The following GINS1 variants were observed in gnomAD, a reference collection of about 807,000 sequenced individuals.
GINS1 encodes DNA replication complex GINS protein PSF1.
GINS1 carries 26 observed loss-of-function variants against 34.9 expected under a neutral mutation model. That is an observed-to-expected ratio of 0.74 (90% CI 0.55 to 1.03). GINS1 has a LOEUF of 1.03. GINS1 is among the 50% of genes least tolerant of loss of function. The pLI is 0.00. For synonymous variants in GINS1, 97 were observed against 84.4 expected, an observed-to-expected ratio of 1.15 and a Z score of -0.82; for missense variants, 235 against 237.9, an observed-to-expected ratio of 0.99 and a Z score of 0.08.
At chr20:25,430,391 C>T (rs1056431750) in intron 5 of GINS1, among the ~76,000 whole-genome samples, 3 of 152,064 alleles carry the variant, frequency 2.0e-5, no homozygotes, top group Admixed American at 6.6e-5. Context: ...TTTTTCCCTT[C>T]GTTCTGTTAA....
chr20:25,418,633 T>C (rs1005068228), intron 4 of GINS1, among the ~76,000 whole-genome samples: 2 of 152,204 alleles, frequency 1.3e-5, no homozygotes, highest in Non-Finnish European at 2.9e-5. Flanking sequence ...ATTGAGCAAG[T>C]CACTTGACCT....
intron 5 of GINS1, among the ~76,000 whole-genome samples, chr20:25,434,710 G>A (rs746909388): frequency 6.6e-6 from 1 of 152,190 alleles, no homozygotes; most frequent in African/African-American, 2.4e-5. Context: ...GCCTCTCAGT[G>A]TTGGGATTAT....
rs113033087 is a variant in GINS1, at chr20:25,446,324, T to C, written c.*333T>C. The C allele has an allele frequency of 8.9e-4, 204 of 229,166 alleles. 1 individual carries two copies. Among genetic ancestry groups the C allele is most frequent in the African/African-American group, 4.3e-3 (190 of 44,152 alleles). 14.2% of individuals were successfully genotyped at this position (229,166 alleles called of 1,614,324 possible). A position where few individuals can be genotyped will look rare whatever the true frequency, so the allele number is the denominator to read the frequency against. On this transcript the variant is annotated 3_prime_UTR_variant, in exon 7 of 7. Transcript: ENST00000262460. Reference sequence around the variant, plus strand: ...TGTTGAGATCACAGGCGTGAGCCACTGCACCCGGCCCCTACTCCTTTTTCT... The same window carrying C: ...TGTTGAGATCACAGGCGTGAGCCACCGCACCCGGCCCCTACTCCTTTTTCT...
chr20:25,431,115 A>G (rs6050609), intron 5 of GINS1, among the ~76,000 whole-genome samples: 82,158 of 151,992 alleles, frequency 0.54, 22,783 homozygotes, highest in Admixed American at 0.61. Context: ...CCAATTTACT[A>G]GTTCTTAATC....
intron 1 of GINS1, among the ~76,000 whole-genome samples, chr20:25,408,299 C>G (rs935447296): frequency 2.0e-5 from 3 of 152,142 alleles, no homozygotes; most frequent in Admixed American, 2.0e-4. Context: ...TTTCTGTGCT[C>G]TCAGTTTTCT....
chr20:25,416,487 A>G (rs189512762), intron 2 of GINS1, among the ~76,000 whole-genome samples: 1 of 152,312 alleles, frequency 6.6e-6, no homozygotes, highest in African/African-American at 2.4e-5. Context: ...TTTTATATGC[A>G]TATGGTTGCT....
At chr20:25,428,505 G>A (rs958121819) in intron 5 of GINS1, among the ~76,000 whole-genome samples, 85 of 142,124 alleles carry the variant, frequency 6.0e-4, no homozygotes, top group African/African-American at 1.8e-3. Context: ...CTGGGTTCAC[G>A]CCATTCTCCT....
chr20:25,412,604 T>G (rs1051887404), intron 1 of GINS1, among the ~76,000 whole-genome samples: 1 of 152,218 alleles, frequency 6.6e-6, no homozygotes, highest in African/African-American at 2.4e-5. Flanking sequence ...CATATTTTTC[T>G]TTATACCTCA....
In GINS1 at chr20:25,446,149, A is replaced by T; in HGVS notation, c.*158A>T. ...GGCTAAGAAGTATAATTTGCTAACTATTAAGGACTTTCTTTTTTTAATGTT... is the reference window on the plus strand; with the variant it reads ...GGCTAAGAAGTATAATTTGCTAACTTTTAAGGACTTTCTTTTTTTAATGTT... On this transcript the variant is annotated 3_prime_UTR_variant, in exon 7 of 7. Transcript: ENST00000262460. 1 of 487,232 alleles carries T rather than the reference A, an allele frequency of 2.1e-6. No homozygotes were observed. The highest frequency in any genetic ancestry group is 3.6e-6 in the Non-Finnish European group (1 of 274,424). The allele number at this position is 487,232 out of a possible 1,614,324, so 30.2% of individuals were successfully genotyped here. A position where few individuals can be genotyped will look rare whatever the true frequency, so the allele number is the denominator to read the frequency against.
intron 6 of GINS1, among the ~76,000 whole-genome samples, chr20:25,441,981 G>A (rs1399426517): frequency 3.3e-5 from 5 of 152,136 alleles, no homozygotes; most frequent in African/African-American, 1.2e-4. Context: ...CATTAATTTA[G>A]TAGGATATTG....
intron 2 of GINS1, 21 bp downstream of exon 2, chr20:25,413,875 T>G: frequency 7.4e-7 from 1 of 1,353,056 alleles, no homozygotes; most frequent in Non-Finnish European, 1.1e-6. Context: ...TAAGATGATA[T>G]TCTAAAACAA....
At chr20:25,421,268 G>T (rs1332779270) in intron 4 of GINS1, among the ~76,000 whole-genome samples, 1 of 152,136 alleles carries the variant, frequency 6.6e-6, no homozygotes, top group East Asian at 1.9e-4. Flanking sequence ...CAAATTCCTG[G>T]TATATAGTAA....
chr20:25,443,465 T>TG lies in GINS1; in HGVS notation c.522+1691dup, dbSNP rs528083483. ...TCCCTTCATCCCAAATGCTGTCCTG[T>TG]GGTTGAATTTCTTTTTTTTTTTTTT... On this transcript the variant is annotated intron_variant, in intron 6 of 6. Coordinates refer to ENST00000262460, the MANE Select transcript of GINS1 (RefSeq NM_021067.5). 2.3e-3 allele frequency among the ~76,000 whole-genome samples: 336 copies of TG among 147,266 alleles called. 1 individual carries two copies. The highest frequency in any genetic ancestry group is 8.2e-3 in the African/African-American group (329 of 40,142).
Position 25,413,862 on chromosome 20 carries a change from T to G in GINS1, c.140+8T>G, listed in dbSNP as rs750608093. On this transcript the variant is annotated splice_region_variant and intron_variant, in intron 2 of 6. Coordinates refer to ENST00000262460, the MANE Select transcript of GINS1 (RefSeq NM_021067.5). ...ACAAAACCAGTCTGATGTGTAAGTT[T>G]CATAAGATGATATTCTAAAACAATT... 4.8e-6 allele frequency: 7 copies of G among 1,469,992 alleles called. No individual in the cohort carries two copies. The Admixed American group carries it at 1.2e-4, about 25-fold the overall frequency. 91.1% of individuals were successfully genotyped at this position (1,469,992 alleles called of 1,614,324 possible). A position where few individuals can be genotyped will look rare whatever the true frequency, so the allele number is the denominator to read the frequency against.
chr20:25,435,676 A>T (rs536472721), intron 5 of GINS1, among the ~76,000 whole-genome samples: 5 of 149,140 alleles, frequency 3.4e-5, no homozygotes, highest in Non-Finnish European at 7.4e-5. Context: ...GAGAATTGCG[A>T]ATTGCTTGAA....
intron 1 of GINS1, 63 bp downstream of exon 1, chr20:25,407,958 C>A: frequency 3.2e-6 from 4 of 1,250,554 alleles, no homozygotes; most frequent in Non-Finnish European, 4.7e-6. Flanking sequence ...TGGGGCGGGG[C>A]GGCTCCCCGT....
chr20:25,407,983 G>T (rs959921634), intron 1 of GINS1, 88 bp downstream of exon 1: 8 of 952,674 alleles, frequency 8.4e-6, no homozygotes, highest in Non-Finnish European at 1.2e-5. Flanking sequence ...GTTCACTTTC[G>T]CACCTTGTTC....
intron 3 of GINS1, 41 bp from the exon 4 acceptor site, chr20:25,418,064 C>T (rs374085332): frequency 1.2e-5 from 13 of 1,071,034 alleles, no homozygotes; most frequent in East Asian, 9.4e-5. Flanking sequence ...CGTGATCCCC[C>T]GTTTATTCTT....
chr20:25,441,870 T>C, intron 6 of GINS1, 94 bp downstream of exon 6: 1 of 681,756 alleles, frequency 1.5e-6, no homozygotes, highest in Non-Finnish European at 2.6e-6. Flanking sequence ...CTTTTGATGA[T>C]CGTTTATATA....
Sources: gnomAD v4.1 joint callset for allele counts (sites outside exome capture counted in the v4.1 genomes callset) on GRCh38, gnomAD v4.1.1 for gene constraint, MANE v1.5 for transcripts, NCBI Gene and HGNC (gene_info 2026-07-23, HGNC 2026-07-21) for gene names.